The following KCNH5 variants were observed in gnomAD, a reference collection of about 807,000 sequenced individuals.
KCNH5 encodes the protein potassium voltage-gated channel subfamily H member 5.
Under a neutral mutation model 96.1 loss-of-function variants are expected in KCNH5, and 46 were observed. The observed-to-expected ratio is 0.48, with a 90% CI of 0.38 to 0.61. KCNH5 has a LOEUF of 0.61. Ranked by LOEUF, KCNH5 falls within the 20% of genes least tolerant of loss-of-function variation. The pLI is 0.00. For missense variants in KCNH5, 907 were observed against 1,225.8 expected (o/e 0.74, Z 3.88); for synonymous variants, 439 against 449.8 (o/e 0.98, Z 0.30).
At chr14:62,804,346 T>A (rs576808958) in intron 8 of KCNH5, among the ~76,000 whole-genome samples, 36 of 152,332 alleles carry the variant, frequency 2.4e-4, no homozygotes, top group African/African-American at 7.9e-4. Flanking sequence ...TATAAGGCAA[T>A]GTTTTATTTA....
chr14:62,878,207 G>GT (rs201646764), intron 7 of KCNH5, among the ~76,000 whole-genome samples: 6 of 130,492 alleles, frequency 4.6e-5, no homozygotes, highest in African/African-American at 2.0e-4. Context: ...GGGATGGGGG[G>GT]GGGGGCGGAG....
rs1891592459 is a variant in KCNH5, at chr14:63,029,773, ACTCT to A, written c.74-12823_74-12820del. 5.3e-5 allele frequency among the ~76,000 whole-genome samples: 8 copies of A among 151,984 alleles called. No individual in the cohort carries two copies. In the South Asian group the frequency reaches 1.7e-3, roughly 32 times the overall value. On this transcript the variant is annotated intron_variant, in intron 1 of 10. Coordinates refer to ENST00000322893, the MANE Select transcript of KCNH5 (RefSeq NM_139318.5). ...TTGAAATTTCTCTATTCATTGAAAC[ACTCT>A]CTATGTATATGAAATATTCATATAA...
At chr14:62,798,520 G>A (rs1453805591) in intron 9 of KCNH5, among the ~76,000 whole-genome samples, 4 of 152,126 alleles carry the variant, frequency 2.6e-5, no homozygotes, top group Non-Finnish European at 5.9e-5. Flanking sequence ...TATGCATCAC[G>A]AACTTAATTT....
intron 7 of KCNH5, among the ~76,000 whole-genome samples, chr14:62,873,486 C>A (rs1204799327): frequency 6.6e-6 from 1 of 152,064 alleles, no homozygotes; most frequent in Non-Finnish European, 1.5e-5. Context: ...AAGCATGTGT[C>A]AATATATTAT....
At chr14:63,024,213 AAT>A (rs374247511) in intron 1 of KCNH5, among the ~76,000 whole-genome samples, 12 of 139,794 alleles carry the variant, frequency 8.6e-5, no homozygotes, top group Non-Finnish European at 1.4e-4. Context: ...CATCTCAAAA[AAT>A]ATATATATAT....
chr14:62,870,086 C>CCTTTTAGGTCT (rs1233781255), intron 7 of KCNH5, among the ~76,000 whole-genome samples: 33 of 145,592 alleles, frequency 2.3e-4, no homozygotes, highest in African/African-American at 9.1e-4. Flanking sequence ...GCAAAAGAGA[C>CCTTTTAGGTCT]CTTTTAGGAA....
chr14:62,962,179 T>C (rs528225811), intron 6 of KCNH5, among the ~76,000 whole-genome samples: 20 of 152,278 alleles, frequency 1.3e-4, no homozygotes, highest in Non-Finnish European at 2.4e-4. Context: ...GAATCTTCTA[T>C]GAAAATGAAA....
chr14:62,940,373 T>A (rs886724388), intron 7 of KCNH5, among the ~76,000 whole-genome samples: 3 of 152,108 alleles, frequency 2.0e-5, no homozygotes, highest in Non-Finnish European at 4.4e-5. Flanking sequence ...GTCCTCCATA[T>A]ATTTACCACC....
At chr14:62,840,314 T>C (rs944383947) in intron 8 of KCNH5, among the ~76,000 whole-genome samples, 3 of 151,934 alleles carry the variant, frequency 2.0e-5, no homozygotes, top group African/African-American at 7.2e-5. Context: ...AGGTTGCTAT[T>C]ATGAGAAAAG....
At chr14:62,851,150 G>C (rs1044093252) in intron 7 of KCNH5, among the ~76,000 whole-genome samples, 1 of 152,182 alleles carries the variant, frequency 6.6e-6, no homozygotes, top group African/African-American at 2.4e-5. Flanking sequence ...AATGGAGTCA[G>C]TTTTTCTGCT....
At chr14:62,830,346 C>T (rs978249602) in intron 8 of KCNH5, among the ~76,000 whole-genome samples, 2 of 152,164 alleles carry the variant, frequency 1.3e-5, no homozygotes, top group South Asian at 2.1e-4. Flanking sequence ...ATAGTAGTAC[C>T]TCACTCTTCT....
At chr14:62,943,739 C>G (rs962254824) in intron 7 of KCNH5, among the ~76,000 whole-genome samples, 5 of 152,000 alleles carry the variant, frequency 3.3e-5, no homozygotes, top group African/African-American at 1.2e-4. Context: ...ATGTGGCTAC[C>G]CTGGGGAGTA....
chr14:62,992,651 C>T (rs1890831910), intron 4 of KCNH5, among the ~76,000 whole-genome samples: 1 of 151,922 alleles, frequency 6.6e-6, no homozygotes, highest in Admixed American at 6.6e-5. Context: ...ATGTCCTTTG[C>T]CCACTTTTTA....
chr14:62,799,720 T>TACACACAC (rs1458423324), intron 9 of KCNH5, among the ~76,000 whole-genome samples: 1 of 114,868 alleles, frequency 8.7e-6, no homozygotes, highest in African/African-American at 3.2e-5. Context: ...TATATATATA[T>TACACACAC]ATATATACAC....
chr14:62,840,560 T>C (rs1459898782), intron 8 of KCNH5, among the ~76,000 whole-genome samples: 2 of 132,226 alleles, frequency 1.5e-5, no homozygotes, highest in South Asian at 2.4e-4. Context: ...CTTTTTTCTT[T>C]TTTTTCTTTT....
chr14:62,845,397 CAA>C (rs1453547471), intron 8 of KCNH5, among the ~76,000 whole-genome samples: 2 of 152,056 alleles, frequency 1.3e-5, no homozygotes, highest in Non-Finnish European at 2.9e-5. Context: ...AACTCATAAT[CAA>C]AAGTCTATGG....
intron 7 of KCNH5, among the ~76,000 whole-genome samples, chr14:62,927,452 C>T (rs1889498186): frequency 6.6e-6 from 1 of 152,086 alleles, no homozygotes; most frequent in African/African-American, 2.4e-5. Flanking sequence ...TCTATAGGAG[C>T]ATTATTTACA....
In KCNH5 at chr14:62,881,742, A is replaced by T. The variant is rs573892019; in HGVS notation, c.1370-31890T>A. Reference sequence around the variant, plus strand: ...CTCTGCATGGTTGATATAAGTATCCATATTTTACAGACCCAGACGAAAAAG... The same window carrying T: ...CTCTGCATGGTTGATATAAGTATCCTTATTTTACAGACCCAGACGAAAAAG... On this transcript the variant is annotated intron_variant, in intron 7 of 10. Transcript: ENST00000322893. Among the ~76,000 whole-genome samples the T allele has an allele frequency of 3.3e-5, 5 of 152,106 alleles. No homozygotes were observed. In the East Asian group the frequency reaches 7.8e-4, roughly 24 times the overall value.
chr14:62,779,197 G>A (rs1394037147), intron 10 of KCNH5, among the ~76,000 whole-genome samples: 2 of 152,214 alleles, frequency 1.3e-5, no homozygotes, highest in Non-Finnish European at 2.9e-5. Context: ...TAAATGTGCA[G>A]CAGCAGTGTA....
Sources: gnomAD v4.1 joint callset for allele counts (sites outside exome capture counted in the v4.1 genomes callset) on GRCh38, gnomAD v4.1.1 for gene constraint, MANE v1.5 for transcripts, NCBI Gene and HGNC (gene_info 2026-07-23, HGNC 2026-07-21) for gene names.